The following DENND5A variants were observed in gnomAD, a reference collection of about 807,000 sequenced individuals.
The protein encoded by DENND5A is DENN domain containing 5A.
DENND5A carries 64 observed loss-of-function variants against 140.3 expected under a neutral mutation model. That is an observed-to-expected ratio of 0.46 (90% confidence interval 0.37 to 0.56). The LOEUF (loss-of-function observed/expected upper bound fraction) is 0.56, where lower values mean the gene tolerates loss of function less well. DENND5A is among the 20% of genes least tolerant of loss of function. The pLI, the probability that DENND5A is intolerant of heterozygous loss-of-function variation, is 0.00. For missense variants in DENND5A, 1,292 were observed against 1,593.8 expected (o/e 0.81, Z 3.22); for synonymous variants, 605 against 607.7 (o/e 1.00, Z 0.07).
chr11:9,228,931 T>C (rs1564927850), intron 1 of DENND5A, among the ~76,000 whole-genome samples: 1 of 152,102 alleles, frequency 6.6e-6, no homozygotes, highest in African/African-American at 2.4e-5. Context: ...CTTTCCAGAG[T>C]TCTATGAGCC....
chr11:9,203,812 T>A lies in DENND5A; in HGVS notation c.797A>T (p.Tyr266Phe), dbSNP rs376134706. 6.2e-7 allele frequency: 1 copy of A among 1,614,136 alleles called. No homozygotes were observed. Among genetic ancestry groups the A allele is most frequent in the South Asian group, 1.1e-5 (1 of 91,078 alleles). ...TGGTCTCTGGCAGATTATTGGCCCA[T>A]AGACCCCAGAAAACTTCAAGGACCG... ...PGRSLKFSGVYGPIICQRPST... is the reference protein window; with the variant it reads ...PGRSLKFSGVFGPIICQRPST... The change falls in exon 4 of 23, where the codon TAT (tyrosine) becomes TTT (phenylalanine). Residue 266 changes from tyrosine (Y) to phenylalanine (F), a missense_variant. Tyr to Phe is a conservative substitution (Grantham distance 22). Coordinates refer to ENST00000328194, the MANE Select transcript of DENND5A (RefSeq NM_015213.4).
At position 9,204,119 on chromosome 11, in the gene DENND5A, G is replaced by A. The variant is rs759159624; in HGVS notation, c.490C>T (p.Leu164=). ...YHMHNAEYDV[L]HAPPADDRDQ... The stretch of plus-strand genomic sequence containing the variant: ...CTGTCATCAGCAGGGGGAGCATGTA[G>A]GACATCATACTCAGCATTGTGCATG... The change falls in exon 4 of 23, where the codon CTA becomes TTA. Residue 164 remains leucine (L), a synonymous_variant. Transcript: ENST00000328194. The A allele has an allele frequency of 3.1e-6, 5 of 1,614,048 alleles. No homozygotes were observed. The highest frequency in any genetic ancestry group is 2.7e-5 in the African/African-American group (2 of 74,928).
At chr11:9,256,740 G>A (rs577695929) in intron 1 of DENND5A, among the ~76,000 whole-genome samples, 18 of 152,294 alleles carry the variant, frequency 1.2e-4, no homozygotes, top group African/African-American at 3.1e-4. Flanking sequence ...GGGTTAGAGG[G>A]TTGGGAGAAA....
At chr11:9,206,891 G>T in intron 2 of DENND5A, 109 bp from the exon 3 acceptor site, 1 of 741,734 alleles carries the variant, frequency 1.3e-6, no homozygotes, top group East Asian at 2.5e-5. Context: ...GAAGGCAAGG[G>T]GGTTAGTATG....
At chr11:9,148,932 G>A (rs1847520574) in intron 15 of DENND5A, among the ~76,000 whole-genome samples, 3 of 152,220 alleles carry the variant, frequency 2.0e-5, no homozygotes, top group South Asian at 4.1e-4. Context: ...AAGAAACTGT[G>A]TGCATGCAAA....
chr11:9,207,482 G>T, intron 2 of DENND5A, 79 bp downstream of exon 2: 1 of 1,099,590 alleles, frequency 9.1e-7, no homozygotes, highest in South Asian at 1.3e-5. Context: ...AAGGTCAAAG[G>T]TTACAAAATG....
At chr11:9,181,185 G>T in intron 5 of DENND5A, 101 bp from the exon 6 acceptor site, 1 of 958,220 alleles carries the variant, frequency 1.0e-6, no homozygotes. Context: ...CAAAACACCT[G>T]AAATGGCTAT....
chr11:9,256,193 G>A (rs1768392132), intron 1 of DENND5A, among the ~76,000 whole-genome samples: 1 of 152,142 alleles, frequency 6.6e-6, no homozygotes, highest in African/African-American at 2.4e-5. Context: ...CGGGCACGGT[G>A]GCTTGTGCCT....
At chr11:9,262,558 T>C (rs1852251697) in intron 1 of DENND5A, among the ~76,000 whole-genome samples, 1 of 152,182 alleles carries the variant, frequency 6.6e-6, no homozygotes, top group African/African-American at 2.4e-5. Flanking sequence ...CCCACTGTCC[T>C]TCCTGGGCCT....
At position 9,238,900 on chromosome 11, in the gene DENND5A, C is replaced by T. The variant is rs527699608; in HGVS notation, c.109+26061G>A. Among the ~76,000 whole-genome samples, 108 of 148,716 alleles carry T rather than the reference C, an allele frequency of 7.3e-4. 1 individual carries two copies. Among genetic ancestry groups the T allele is most frequent in the Non-Finnish European group, 1.2e-3 (82 of 67,604 alleles). On this transcript the variant is annotated intron_variant, in intron 1 of 22. Transcript: ENST00000328194. Reference sequence around the variant, plus strand: ...AGGATGGAGTGCAGTGGCTTGATCTCGGCTCATTGCAATTTCCGCCTCCTG... The same window carrying T: ...AGGATGGAGTGCAGTGGCTTGATCTTGGCTCATTGCAATTTCCGCCTCCTG...
chr11:9,166,974 A>G lies in DENND5A; in HGVS notation c.2152-1007T>C, dbSNP rs188789918. ...CCCCCACCAAGCTGAGAAGAATTTA[A>G]CTCCTCTGCCCGTATCAAAGATATC... On this transcript the variant is annotated intron_variant, in intron 10 of 22. Transcript: ENST00000328194. Among the ~76,000 whole-genome samples, 32 of 152,260 alleles carry G rather than the reference A, an allele frequency of 2.1e-4. No individual in the cohort carries two copies. In the Middle Eastern group the frequency reaches 0.01, roughly 49 times the overall value.
At chr11:9,258,971 G>C (rs534574976) in intron 1 of DENND5A, among the ~76,000 whole-genome samples, 1 of 151,972 alleles carries the variant, frequency 6.6e-6, no homozygotes, top group Non-Finnish European at 1.5e-5. Flanking sequence ...TATAAAAACA[G>C]GGTATTAGGC....
chr11:9,209,465 C>T lies in DENND5A; in HGVS notation c.110-1833G>A, dbSNP rs978303292. 3.9e-5 allele frequency among the ~76,000 whole-genome samples: 6 copies of T among 152,270 alleles called. No homozygotes were observed. In the South Asian group the frequency reaches 8.3e-4, roughly 21 times the overall value. ...TCACTGGAGAAGTGATTGTTAGAGCCTCTGTCCCCACCACCACCTCTCCAC... is the reference window on the plus strand; with the variant it reads ...TCACTGGAGAAGTGATTGTTAGAGCTTCTGTCCCCACCACCACCTCTCCAC... On this transcript the variant is annotated intron_variant, in intron 1 of 22. Coordinates refer to ENST00000328194, the MANE Select transcript of DENND5A (RefSeq NM_015213.4).
intron 8 of DENND5A, among the ~76,000 whole-genome samples, chr11:9,176,241 A>G (rs996984155): frequency 6.6e-6 from 1 of 152,262 alleles, no homozygotes; most frequent in African/African-American, 2.4e-5. Context: ...GTCAGCAGTT[A>G]TATCTTCAAA....
At position 9,249,692 on chromosome 11, in the gene DENND5A, C is replaced by T. The variant is rs192720976; in HGVS notation, c.109+15269G>A. ...CCTCCCAAGTAGCTGGGATTACAGG[C>T]GCCCACCACCATGCCTGGCTAATTT... is the stretch of plus-strand genomic sequence containing the variant. On this transcript the variant is annotated intron_variant, in intron 1 of 22. Transcript: ENST00000328194. Among the ~76,000 whole-genome samples the T allele has an allele frequency of 1.8e-3, 270 of 152,134 alleles. 1 individual carries two copies. Among genetic ancestry groups the T allele is most frequent in the Middle Eastern group, 3.4e-3 (1 of 294 alleles).
chr11:9,194,591 T>C (rs909123545), intron 4 of DENND5A, among the ~76,000 whole-genome samples: 4 of 151,508 alleles, frequency 2.6e-5, no homozygotes, highest in Non-Finnish European at 2.9e-5. Flanking sequence ...AAGGCTTCCC[T>C]AGAACTTGAA....
intron 1 of DENND5A, among the ~76,000 whole-genome samples, chr11:9,240,400 A>G (rs930410146): frequency 6.6e-6 from 1 of 152,002 alleles, no homozygotes; most frequent in Non-Finnish European, 1.5e-5. Context: ...CCGTCTCAAA[A>G]ACAAACAAAC....
At chr11:9,224,265 G>A (rs1850443016) in intron 1 of DENND5A, among the ~76,000 whole-genome samples, 1 of 152,160 alleles carries the variant, frequency 6.6e-6, no homozygotes. Context: ...GAGAACTCTT[G>A]AAGGGAAGTG....
intron 1 of DENND5A, among the ~76,000 whole-genome samples, chr11:9,238,411 A>C (rs1590320926): frequency 6.6e-6 from 1 of 150,738 alleles, no homozygotes; most frequent in African/African-American, 2.5e-5. Context: ...TGTGCACTTT[A>C]CTGTCTTTAA....
Sources: gnomAD v4.1 joint callset for allele counts (sites outside exome capture counted in the v4.1 genomes callset) on GRCh38, gnomAD v4.1.1 for gene constraint, MANE v1.5 for transcripts, NCBI Gene and HGNC (gene_info 2026-07-23, HGNC 2026-07-21) for gene names.